Variants in DYRK1A observed in about 807,000 individuals in gnomAD.
DYRK1A encodes the protein dual specificity tyrosine phosphorylation regulated kinase 1A.
Under a neutral mutation model 79.7 loss-of-function variants are expected in DYRK1A, and 9 were observed. The observed-to-expected ratio is 0.11, with a 90% CI of 0.07 to 0.20. The LOEUF is 0.20. Ranked by LOEUF, DYRK1A falls within the 10% of genes least tolerant of loss-of-function variation. DYRK1A has a pLI of 1.00. For synonymous variants in DYRK1A, 349 were observed against 329.7 expected (o/e 1.06, Z -0.63); for missense variants, 622 against 956.0 (o/e 0.65, Z 4.61).
chr21:37,421,168 C>CT (rs1043487866), intron 2 of DYRK1A, among the ~76,000 whole-genome samples: 19 of 152,070 alleles, frequency 1.2e-4, no homozygotes, highest in African/African-American at 4.3e-4. Context: ...ATTTGAAACT[C>CT]TGTCAGAGAG....
In DYRK1A at chr21:37,458,267, A is replaced by ACT. The variant is rs1038988336; in HGVS notation, c.11-14416_11-14415dup. ...GTAGGGGAGGGCATCTGGGTAATTT[A>ACT]CTGTGTGTGTGTGTGTGTGTGTGTG... On this transcript the variant is annotated intron_variant, in intron 2 of 11. Coordinates refer to ENST00000647188, the MANE Select transcript of DYRK1A (RefSeq NM_001347721.2). Among the ~76,000 whole-genome samples the ACT allele has an allele frequency of 6.3e-3, 141 of 22,364 alleles. 1 individual carries two copies. The highest frequency in any genetic ancestry group is 1.2e-3 in the Non-Finnish European group (12 of 9,970). 14.7% of individuals were successfully genotyped at this position (22,364 alleles called of 152,430 possible). A position where few individuals can be genotyped will look rare whatever the true frequency, so the allele number is the denominator to read the frequency against.
intron 1 of DYRK1A, among the ~76,000 whole-genome samples, chr21:37,404,927 T>C (rs2050120764): frequency 6.6e-6 from 1 of 152,148 alleles, no homozygotes; most frequent in African/African-American, 2.4e-5. Context: ...TGTAGTGGAA[T>C]GTATGGATTT....
At chr21:37,485,499 ATAC>A (rs1355242730) in intron 5 of DYRK1A, among the ~76,000 whole-genome samples, 1 of 152,192 alleles carries the variant, frequency 6.6e-6, no homozygotes, top group Non-Finnish European at 1.5e-5. Flanking sequence ...ATCTGAGAAC[ATAC>A]GTTTCATCCT....
At position 37,379,959 on chromosome 21, in the gene DYRK1A, T is replaced by C. The variant is rs182406672; in HGVS notation, c.-77+12331T>C. Among the ~76,000 whole-genome samples the C allele has an allele frequency of 4.9e-4, 74 of 152,344 alleles. 2 individuals are homozygous for C. In the East Asian group the frequency reaches 0.014, roughly 29 times the overall value. Reference sequence around the variant, plus strand: ...CCCTGCTATCACGGATGTTACGTTCTGGCTGGGGGAATCTTTAATAGTTCT... The same window carrying C: ...CCCTGCTATCACGGATGTTACGTTCCGGCTGGGGGAATCTTTAATAGTTCT... On this transcript the variant is annotated intron_variant, in intron 1 of 11. Transcript: ENST00000647188.
Position 37,493,025 on chromosome 21 carries a change from G to C in DYRK1A, c.933G>C (p.Gln311His). 3 of 1,606,924 alleles carry C rather than the reference G, an allele frequency of 1.9e-6. No homozygotes were observed. Among genetic ancestry groups the C allele is most frequent in the Non-Finnish European group, 2.6e-6 (3 of 1,174,418 alleles). ...SSCQLGQRIY[Q>H]YIQSRFYRSP... ...TTTGAAATATATTTCAGATATACCA[G>C]TATATTCAGAGTCGCTTTTATCGGT... The change falls in exon 8 of 12, where the codon CAG becomes CAC. Residue 311 changes from glutamine to histidine, a missense_variant. Physicochemically the swap from Gln to His is conservative, Grantham distance 24. Transcript: ENST00000647188.
intron 8 of DYRK1A, among the ~76,000 whole-genome samples, chr21:37,495,811 T>A (rs1338886880): frequency 1.3e-5 from 2 of 152,062 alleles, no homozygotes; most frequent in Non-Finnish European, 2.9e-5. Context: ...TAAAAAAAAT[T>A]TTTTTAATAA....
Position 37,478,252 on chromosome 21 carries a change from G to C in DYRK1A, c.252G>C (p.Leu84=). 1 of 1,614,094 alleles carries C rather than the reference G, an allele frequency of 6.2e-7. No homozygotes were observed. Among genetic ancestry groups the C allele is most frequent in the Non-Finnish European group, 8.5e-7 (1 of 1,179,976 alleles). The part of the protein sequence containing the change: ...QTFRDPATAP[L]RKLSVDLIKT... ...TCCGTGACCCAGCAACTGCTCCCCTGAGAAAACTTTCTGTTGACTTGATCA... is the reference window on the plus strand; with the variant it reads ...TCCGTGACCCAGCAACTGCTCCCCTCAGAAAACTTTCTGTTGACTTGATCA... The change falls in exon 4 of 12, where the codon CTG becomes CTC. Residue 84 remains leucine (L), a synonymous_variant. Coordinates refer to ENST00000647188, the MANE Select transcript of DYRK1A (RefSeq NM_001347721.2).
chr21:37,386,923 C>T (rs1055988698), intron 1 of DYRK1A, among the ~76,000 whole-genome samples: 11 of 152,172 alleles, frequency 7.2e-5, no homozygotes, highest in South Asian at 2.1e-4. Flanking sequence ...CCTAGGAACA[C>T]GCCCTGGATT....
intron 2 of DYRK1A, among the ~76,000 whole-genome samples, chr21:37,431,193 T>C (rs559401987): frequency 5.9e-5 from 9 of 152,336 alleles, no homozygotes; most frequent in African/African-American, 2.2e-4. Flanking sequence ...CTAGATTTTC[T>C]TGTTAGAAGC....
At chr21:37,378,675 C>T (rs1207610650) in intron 1 of DYRK1A, among the ~76,000 whole-genome samples, 1 of 152,132 alleles carries the variant, frequency 6.6e-6, no homozygotes, top group African/African-American at 2.4e-5. Flanking sequence ...TTTGCATGTC[C>T]TCTGTATGAG....
intron 2 of DYRK1A, among the ~76,000 whole-genome samples, chr21:37,448,992 G>A (rs2051359362): frequency 1.3e-5 from 2 of 152,270 alleles, no homozygotes; most frequent in Middle Eastern, 3.4e-3. Context: ...GCCACCATGC[G>A]TGGACCTAGG....
chr21:37,374,166 C>G (rs371693673), intron 1 of DYRK1A, among the ~76,000 whole-genome samples: 3 of 151,900 alleles, frequency 2.0e-5, no homozygotes, highest in Admixed American at 6.6e-5. Flanking sequence ...TATTTGAAAT[C>G]TGAGCTTTTG....
intron 4 of DYRK1A, among the ~76,000 whole-genome samples, chr21:37,480,119 A>T (rs1378183311): frequency 6.6e-6 from 1 of 152,200 alleles, no homozygotes; most frequent in Non-Finnish European, 1.5e-5. Context: ...AACTTATTTT[A>T]AAAATATGTT....
intron 2 of DYRK1A, among the ~76,000 whole-genome samples, chr21:37,467,263 T>C (rs1310066815): frequency 6.6e-6 from 1 of 152,174 alleles, no homozygotes; most frequent in African/African-American, 2.4e-5. Flanking sequence ...TTTCACAGGA[T>C]CTTGCCCTGG....
Position 37,519,716 on chromosome 21 carries a change from T to G in DYRK1A, c.*7185T>G, listed in dbSNP as rs939074642. 14 of 151,080 alleles carry G rather than the reference T, an allele frequency of 9.3e-5. No individual in the cohort carries two copies. Among genetic ancestry groups the G allele is most frequent in the African/African-American group, 3.4e-4 (14 of 40,690 alleles). 9.4% of individuals were successfully genotyped at this position (151,080 alleles called of 1,614,324 possible). A position where few individuals can be genotyped will look rare whatever the true frequency, so the allele number is the denominator to read the frequency against. ...ACAGTCCCTGCATCTATTTAAGAGT[T>G]TTGAGGTTTGTTGTGGGAAGTTTTT... is the stretch of plus-strand genomic sequence containing the variant. On this transcript the variant is annotated 3_prime_UTR_variant, in exon 12 of 12. Coordinates refer to ENST00000647188, the MANE Select transcript of DYRK1A (RefSeq NM_001347721.2).
At chr21:37,502,053 G>GTTCTTATTCTT (rs770902638) in intron 9 of DYRK1A, 8 of 152,154 alleles carry the variant, frequency 5.3e-5, no homozygotes, top group Non-Finnish European at 1.2e-4. Context: ...TCTTACCAGT[G>GTTCTTATTCTT]TTCTTATTCT....
intron 1 of DYRK1A, chr21:37,418,794 G>A (rs756914535): frequency 3.9e-5 from 6 of 152,134 alleles, no homozygotes; most frequent in Non-Finnish European, 8.8e-5. Context: ...CCAGCTAGTT[G>A]TAGGTCTAGT....
intron 2 of DYRK1A, among the ~76,000 whole-genome samples, chr21:37,464,943 G>A (rs2051974345): frequency 1.3e-5 from 2 of 152,088 alleles, no homozygotes; most frequent in African/African-American, 2.4e-5. Flanking sequence ...TTGTCCCCTT[G>A]GAATCTTATC....
At chr21:37,477,056 A>AT (rs1240865400) in intron 3 of DYRK1A, among the ~76,000 whole-genome samples, 2 of 151,968 alleles carry the variant, frequency 1.3e-5, no homozygotes, top group Non-Finnish European at 2.9e-5. Context: ...ATGGATGGTG[A>AT]TTTTTCCTGT....
Sources: gnomAD v4.1 joint callset for allele counts (sites outside exome capture counted in the v4.1 genomes callset) on GRCh38, gnomAD v4.1.1 for gene constraint, MANE v1.5 for transcripts, NCBI Gene and HGNC (gene_info 2026-07-23, HGNC 2026-07-21) for gene names.